The following ST8SIA4 variants were observed in gnomAD, a reference collection of about 807,000 sequenced individuals.
ST8SIA4 encodes ST8 alpha-N-acetyl-neuraminide alpha-2,8-sialyltransferase 4, also known as CMP-N-acetylneuraminate-poly-alpha-2,8-sialyltransferase.
ST8SIA4 carries 15 observed loss-of-function variants against 33.9 expected under a neutral mutation model. The ratio of observed to expected loss-of-function variants is 0.44; its 90% confidence interval spans 0.30 to 0.68. The LOEUF (loss-of-function observed/expected upper bound fraction) is 0.68, where lower values mean the gene tolerates loss of function less well. ST8SIA4 is among the 30% of genes least tolerant of loss of function. The pLI, the probability that ST8SIA4 is intolerant of heterozygous loss-of-function variation, is 0.10. For missense variants in ST8SIA4, 321 were observed against 428.0 expected, an observed-to-expected ratio of 0.75 and a Z score of 2.21; for synonymous variants, 171 against 151.2, an observed-to-expected ratio of 1.13 and a Z score of -0.96.
At chr5:100,849,158 G>A (rs1751632178) in intron 4 of ST8SIA4, 1 of 984,782 alleles carries the variant, frequency 1.0e-6, no homozygotes, top group Non-Finnish European at 1.2e-6. Context: ...TTTAATTAAG[G>A]ACAAGAGTTT....
chr5:100,825,663 A>G (rs904395776), intron 4 of ST8SIA4, among the ~76,000 whole-genome samples: 1 of 152,234 alleles, frequency 6.6e-6, no homozygotes, highest in African/African-American at 2.4e-5. Flanking sequence ...AACTCTGGAC[A>G]TTAAGTGGCG....
chr5:100,869,535 TTC>T (rs1752151740), intron 3 of ST8SIA4, among the ~76,000 whole-genome samples: 1 of 152,160 alleles, frequency 6.6e-6, no homozygotes. Flanking sequence ...TTAGGGTGCC[TTC>T]TCTTTCATAT....
chr5:100,892,536 A>G (rs1031454603), intron 2 of ST8SIA4, among the ~76,000 whole-genome samples: 1 of 152,146 alleles, frequency 6.6e-6, no homozygotes, highest in Non-Finnish European at 1.5e-5. Context: ...TGAAAATAAA[A>G]TAAGGCATAT....
chr5:100,814,413 T>C (rs931826278), intron 4 of ST8SIA4, among the ~76,000 whole-genome samples: 11 of 152,010 alleles, frequency 7.2e-5, no homozygotes, highest in Non-Finnish European at 1.2e-4. Flanking sequence ...ATAAATTTTG[T>C]GATATTTGAT....
intron 2 of ST8SIA4, among the ~76,000 whole-genome samples, chr5:100,888,120 C>A (rs1338025066): frequency 2.7e-5 from 4 of 149,762 alleles, no homozygotes; most frequent in African/African-American, 9.9e-5. Flanking sequence ...GAACAGTGAG[C>A]AGAAGAAATC....
rs367895336 is a variant in ST8SIA4, at chr5:100,813,607, A to G, written c.798-1478T>C. On this transcript the variant is annotated intron_variant, in intron 4 of 4. Coordinates refer to ENST00000231461, the MANE Select transcript of ST8SIA4 (RefSeq NM_005668.6). ...ACACTATAAACACAATGAAGAAAAC[A>G]TAGACAGTGATTCTATGCAAGGAGC... Among the ~76,000 whole-genome samples, 6 of 152,166 alleles carry G rather than the reference A, an allele frequency of 3.9e-5. No homozygotes were observed. The East Asian group carries it at 7.7e-4, about 20-fold the overall frequency.
chr5:100,812,207 G>T, intron 4 of ST8SIA4, 78 bp from the exon 5 acceptor site: 1 of 1,215,890 alleles, frequency 8.2e-7, no homozygotes, highest in Non-Finnish European at 1.1e-6. Flanking sequence ...AGTATATAAT[G>T]CAGAAAACTT....
chr5:100,885,448 A>G, intron 3 of ST8SIA4: 1 of 935,592 alleles, frequency 1.1e-6, no homozygotes, highest in Non-Finnish European at 1.3e-6. Flanking sequence ...AAAATATTCA[A>G]AAAATATTCA....
intron 4 of ST8SIA4, among the ~76,000 whole-genome samples, chr5:100,828,677 T>C (rs1254037287): frequency 2.6e-5 from 4 of 152,074 alleles, no homozygotes; most frequent in Admixed American, 6.5e-5. Context: ...TCTAGAAAAT[T>C]TAGGTAGAAA....
chr5:100,839,354 T>C (rs933448542), intron 4 of ST8SIA4, among the ~76,000 whole-genome samples: 3 of 151,994 alleles, frequency 2.0e-5, no homozygotes, highest in African/African-American at 7.2e-5. Context: ...TTGATTTTGC[T>C]CTGCAGATGT....
chr5:100,883,850 A>T (rs1000954290), intron 3 of ST8SIA4, among the ~76,000 whole-genome samples: 3 of 152,184 alleles, frequency 2.0e-5, no homozygotes, highest in Non-Finnish European at 4.4e-5. Flanking sequence ...GTGGAACTGT[A>T]AGTCCAATTA....
chr5:100,853,655 AG>A (rs1464935695), intron 4 of ST8SIA4, among the ~76,000 whole-genome samples: 4 of 152,332 alleles, frequency 2.6e-5, no homozygotes, highest in African/African-American at 9.6e-5. Context: ...ATAGGACAAA[AG>A]ATAGGAGTCT....
intron 4 of ST8SIA4, among the ~76,000 whole-genome samples, chr5:100,830,134 G>A (rs1249290539): frequency 6.6e-6 from 1 of 152,134 alleles, no homozygotes. Flanking sequence ...TAAGACTTTA[G>A]CAATCGCTTG....
At chr5:100,823,000 G>A (rs946616569) in intron 4 of ST8SIA4, among the ~76,000 whole-genome samples, 9 of 151,980 alleles carry the variant, frequency 5.9e-5, no homozygotes, top group Non-Finnish European at 8.8e-5. Context: ...GCGTGGTGGC[G>A]GGCGCCTGTA....
rs532874834 is a variant in ST8SIA4, at chr5:100,837,362, T to C, written c.797+18741A>G. Among the ~76,000 whole-genome samples the C allele has an allele frequency of 5.3e-5, 8 of 152,132 alleles. No individual in the cohort carries two copies. The East Asian group carries it at 1.2e-3, about 22-fold the overall frequency. ...ACAGATATCACTGTTGCCAGTGCAA[T>C]TGCATTGGCCAATCTAAACTATGAT... On this transcript the variant is annotated intron_variant, in intron 4 of 4. Coordinates refer to ENST00000231461, the MANE Select transcript of ST8SIA4 (RefSeq NM_005668.6).
intron 4 of ST8SIA4, among the ~76,000 whole-genome samples, chr5:100,824,904 A>G (rs1751110012): frequency 6.6e-6 from 1 of 151,906 alleles, no homozygotes; most frequent in African/African-American, 2.4e-5. Flanking sequence ...GACAAAAAAA[A>G]AAAAAAAATA....
In ST8SIA4 at chr5:100,811,798, G is replaced by A. The variant is rs1413404197; in HGVS notation, c.*49C>T. On this transcript the variant is annotated 3_prime_UTR_variant, in exon 5 of 5. Coordinates refer to ENST00000231461, the MANE Select transcript of ST8SIA4 (RefSeq NM_005668.6). ...TTTTGGATCCTATTTTCAAATCTTCGGAAGCATCTTCAGAAAAGAAGTGCA... is the reference window on the plus strand; with the variant it reads ...TTTTGGATCCTATTTTCAAATCTTCAGAAGCATCTTCAGAAAAGAAGTGCA... The A allele has an allele frequency of 3.9e-6, 6 of 1,530,950 alleles. No homozygotes were observed. In the African/African-American group the frequency reaches 4.2e-5, roughly 11 times the overall value. The allele number at this position is 1,530,950 out of a possible 1,614,324, so 94.8% of individuals were successfully genotyped here. A position where few individuals can be genotyped will look rare whatever the true frequency, so the allele number is the denominator to read the frequency against.
intron 3 of ST8SIA4, among the ~76,000 whole-genome samples, chr5:100,861,108 A>T (rs1751931355): frequency 6.6e-6 from 1 of 152,154 alleles, no homozygotes; most frequent in South Asian, 2.1e-4. Flanking sequence ...TAGTAAACAA[A>T]ATATAAGAAA....
rs957967103 is a variant in ST8SIA4 at position 100,808,571 on chromosome 5, G to A, written c.*3276C>T. The A allele has an allele frequency of 6.6e-6, 1 of 152,556 alleles. No individual in the cohort carries two copies. 9.5% of individuals were successfully genotyped at this position (152,556 alleles called of 1,614,324 possible). ...AAGAATATTTCACAATCAGCTGCCT[G>A]AGCATTGCCAAGTACAGGGTTAAAT... is the stretch of plus-strand genomic sequence containing the variant. On this transcript the variant is annotated 3_prime_UTR_variant, in exon 5 of 5. Coordinates refer to ENST00000231461, the MANE Select transcript of ST8SIA4 (RefSeq NM_005668.6).
Sources: gnomAD v4.1 joint callset for allele counts (sites outside exome capture counted in the v4.1 genomes callset) on GRCh38, gnomAD v4.1.1 for gene constraint, MANE v1.5 for transcripts, NCBI Gene and HGNC (gene_info 2026-07-23, HGNC 2026-07-21) for gene names.